The following ZNF69 variants were observed in gnomAD, a reference collection of about 807,000 sequenced individuals.
ZNF69 encodes zinc finger protein 69.
ZNF69 carries 47 observed loss-of-function variants against 50.9 expected under a neutral mutation model. The observed-to-expected ratio is 0.92, with a 90% CI of 0.73 to 1.18. ZNF69 has a LOEUF of 1.18. Ranked by LOEUF, ZNF69 falls within the 50% of genes most tolerant of loss-of-function variation. ZNF69 has a pLI of 0.00. For synonymous variants in ZNF69, 216 were observed against 223.1 expected (o/e 0.97, Z 0.29); for missense variants, 717 against 675.1 (o/e 1.06, Z -0.69).
At chr19:11,909,816 G>A (rs1311258577), downstream of ZNF69, among the ~76,000 whole-genome samples, 1 of 151,410 alleles carries the variant, frequency 6.6e-6, no homozygotes, top group African/African-American at 2.4e-5. Context: ...GGAAGTTCTG[G>A]CCAGGGCAAT....
chr19:11,976,992 G>C, the ZNF69 span: 1 of 1,611,352 alleles, frequency 6.2e-7, no homozygotes, highest in South Asian at 1.1e-5. Context: ...GGCCCCCACT[G>C]CTGTCACTCT....
At chr19:11,950,270 G>C in the ZNF69 span, 1 of 1,592,658 alleles carries the variant, frequency 6.3e-7, no homozygotes, top group East Asian at 2.2e-5. Flanking sequence ...TCCTTTTATG[G>C]ACATGAATAG....
rs796134751 is a variant in ZNF69, at chr19:11,903,503, G to A, written c.64-70G>A. The A allele has an allele frequency of 1.5e-5, 24 of 1,590,426 alleles. No individual in the cohort carries two copies. In the African/African-American group the frequency reaches 2.9e-4, roughly 19 times the overall value. On this transcript the variant is annotated intron_variant, in intron 1 of 3. Transcript: ENST00000429654. ...GTCCACGGCATCCTGAGAACTTCTT[G>A]AGAATAGAGTCTAGGCCCCCAGTGC...
At chr19:11,943,541 G>A in the ZNF69 span, among the ~76,000 whole-genome samples, 9 of 152,006 alleles carry the variant, frequency 5.9e-5, no homozygotes, top group African/African-American at 2.2e-4. Flanking sequence ...AAAAGAACTA[G>A]TTTTTAAATC....
the ZNF69 span, among the ~76,000 whole-genome samples, chr19:11,930,455 G>T: frequency 6.7e-6 from 1 of 148,290 alleles, no homozygotes; most frequent in Non-Finnish European, 1.5e-5. Flanking sequence ...TGTTGAGTTT[G>T]AGTAAAGTTT....
chr19:11,979,233 C>T, the ZNF69 span: 2 of 1,612,292 alleles, frequency 1.2e-6, no homozygotes, highest in Middle Eastern at 1.7e-4. Flanking sequence ...TTTCCAGTTC[C>T]TTTCAGTATC....
At chr19:11,904,447 C>A (rs1046172754) in intron 3 of ZNF69, among the ~76,000 whole-genome samples, 1 of 152,008 alleles carries the variant, frequency 6.6e-6, no homozygotes, top group African/African-American at 2.4e-5. Flanking sequence ...ATTAAGAAGC[C>A]CCATATAAAC....
At chr19:11,946,550 T>C in the ZNF69 span, among the ~76,000 whole-genome samples, 1 of 151,954 alleles carries the variant, frequency 6.6e-6, no homozygotes, top group Non-Finnish European at 1.5e-5. Context: ...TGTAACTAAG[T>C]GTCTGTGTAC....
the ZNF69 span, among the ~76,000 whole-genome samples, chr19:11,954,651 C>T: frequency 3.9e-5 from 6 of 152,230 alleles, no homozygotes; most frequent in East Asian, 9.6e-4. Context: ...AGCAACATGA[C>T]GATTCCCTCT....
At chr19:11,923,406 C>T in the ZNF69 span, among the ~76,000 whole-genome samples, 3 of 152,184 alleles carry the variant, frequency 2.0e-5, no homozygotes, top group Non-Finnish European at 4.4e-5. Flanking sequence ...AACAGCACCC[C>T]GTCCCATGGA....
the ZNF69 span, among the ~76,000 whole-genome samples, chr19:11,922,830 A>AT: frequency 0.28 from 39,447 of 141,846 alleles, 5,570 homozygotes; most frequent in Non-Finnish European, 0.32. Flanking sequence ...TTTGTTTTTG[A>AT]TTTTTTTTTT....
chr19:11,925,347 G>C, the ZNF69 span: 2 of 1,588,952 alleles, frequency 1.3e-6, no homozygotes, highest in Admixed American at 3.4e-5. Flanking sequence ...GCTGTGGCGG[G>C]ACCCGGGCCT....
the ZNF69 span, among the ~76,000 whole-genome samples, chr19:11,932,830 G>A: frequency 2.0e-5 from 3 of 147,162 alleles, no homozygotes; most frequent in Non-Finnish European, 4.4e-5. Context: ...GTAGAGACGG[G>A]GTTTCACCGT....
the ZNF69 span, chr19:11,948,942 T>C: frequency 6.2e-7 from 1 of 1,608,316 alleles, no homozygotes; most frequent in African/African-American, 1.3e-5. Context: ...AGAAGCCTTA[T>C]CAATGCAAAG....
rs1972366477 is a variant in ZNF69 at position 11,906,027 on chromosome 19, A to T, written c.1630A>T (p.Arg544Ter). ...YKCKQCGKAF[R>*]AASVLRMHGR... Reference sequence around the variant, plus strand: ...ATGCAAGCAATGTGGGAAAGCCTTCAGAGCTGCCTCAGTCCTTCGAATGCA... The same window carrying T: ...ATGCAAGCAATGTGGGAAAGCCTTCTGAGCTGCCTCAGTCCTTCGAATGCA... Residue 544 changes from arginine to a stop codon, truncating the protein, a stop_gained, in exon 4 of 4, where the codon AGA (arginine) becomes TGA (stop). Transcript: ENST00000429654. LOFTEE classifies it high-confidence loss of function. The T allele has an allele frequency of 6.2e-7, 1 of 1,613,846 alleles. No homozygotes were observed. Among genetic ancestry groups the T allele is most frequent in the African/African-American group, 1.3e-5 (1 of 74,910 alleles).
At chr19:11,962,698 T>C in the ZNF69 span, among the ~76,000 whole-genome samples, 1 of 152,122 alleles carries the variant, frequency 6.6e-6, no homozygotes, top group Non-Finnish European at 1.5e-5. Context: ...GAACATCTAA[T>C]GTTCAAGTTG....
chr19:11,924,334 A>G, the ZNF69 span, among the ~76,000 whole-genome samples: 1 of 147,106 alleles, frequency 6.8e-6, no homozygotes, highest in Non-Finnish European at 1.5e-5. Context: ...CCGGAGGCCG[A>G]GGTAAGAGAA....
At chr19:11,929,614 C>T in the ZNF69 span, among the ~76,000 whole-genome samples, 1 of 147,994 alleles carries the variant, frequency 6.8e-6, no homozygotes, top group Non-Finnish European at 1.5e-5. Flanking sequence ...ATTTCAGGGT[C>T]CTTAGGTAGG....
the ZNF69 span, among the ~76,000 whole-genome samples, chr19:11,930,392 T>C: frequency 2.7e-5 from 4 of 148,496 alleles, 1 homozygote; most frequent in African/African-American, 1.0e-4. Context: ...GGAACAAATA[T>C]ATGTGAGTTG....
Sources: gnomAD v4.1 joint callset for allele counts (sites outside exome capture counted in the v4.1 genomes callset) on GRCh38, gnomAD v4.1.1 for gene constraint, MANE v1.5 for transcripts, NCBI Gene and HGNC (gene_info 2026-07-23, HGNC 2026-07-21) for gene names.